GRK7: variants seen among roughly 807,000 people sequenced by gnomAD.
GRK7 encodes rhodopsin kinase GRK7.
A neutral mutation model predicts 34.1 loss-of-function variants in GRK7; 24 were observed. The observed-to-expected ratio is 0.70, with a 90% CI of 0.51 to 0.99. The LOEUF is 0.99. GRK7 is among the 50% of genes least tolerant of loss of function. The pLI, the probability that GRK7 is intolerant of heterozygous loss-of-function variation, is 0.00. For missense variants in GRK7, 644 were observed against 707.3 expected (o/e 0.91, Z 1.02); for synonymous variants, 256 against 279.4 (o/e 0.92, Z 0.84).
At chr3:141,762,716 C>T (rs1315540762), upstream of GRK7, among the ~76,000 whole-genome samples, 2 of 152,090 alleles carry the variant, frequency 1.3e-5, no homozygotes, top group Non-Finnish European at 2.9e-5. Context: ...CCCCCAGCCT[C>T]GCTGCCGCCT....
rs930853073 is a variant in GRK7 at position 141,765,737 on chromosome 3, A to C, written c.-216A>C. On this transcript the variant is annotated splice_region_variant and 5_prime_UTR_variant, in exon 1 of 6. Transcript: ENST00000682958. The stretch of plus-strand genomic sequence containing the variant: ...TGAATGCAACCATAAGAGTGAGTCC[A>C]GGTGAGACCAGCAAAGAGCTGCCCA... Among the ~76,000 whole-genome samples, 26 of 152,328 alleles carry C rather than the reference A, an allele frequency of 1.7e-4. No homozygotes were observed. The highest frequency in any genetic ancestry group is 1.1e-3 in the Admixed American group (17 of 15,290).
At chr3:141,781,954 T>C (rs567557215) in intron 4 of GRK7, among the ~76,000 whole-genome samples, 8 of 152,276 alleles carry the variant, frequency 5.3e-5, no homozygotes, top group African/African-American at 1.9e-4. Flanking sequence ...TTTTGTACAG[T>C]TTTCAGCCTA....
intron 1 of GRK7, among the ~76,000 whole-genome samples, chr3:141,771,037 C>T (rs971198187): frequency 1.4e-5 from 2 of 147,928 alleles, no homozygotes; most frequent in Non-Finnish European, 3.0e-5. Flanking sequence ...GTATGGAGAA[C>T]TGCCATTTGG....
intron 5 of GRK7, among the ~76,000 whole-genome samples, chr3:141,813,030 A>G (rs1163734162): frequency 6.6e-6 from 1 of 152,146 alleles, no homozygotes; most frequent in Non-Finnish European, 1.5e-5. Flanking sequence ...TCCTTCTGCC[A>G]TGTTTAAAAA....
chr3:141,789,402 C>G (rs114930333), intron 4 of GRK7, among the ~76,000 whole-genome samples: 4,210 of 152,248 alleles, frequency 0.028, 75 homozygotes, highest in East Asian at 0.065. Flanking sequence ...TTCCTACCAA[C>G]TGAACCACTC....
intron 5 of GRK7, among the ~76,000 whole-genome samples, chr3:141,809,865 T>C (rs1218095806): frequency 3.3e-5 from 5 of 152,178 alleles, no homozygotes; most frequent in African/African-American, 1.2e-4. Context: ...CCTCAAGCAA[T>C]TGAATTACTT....
Position 141,816,720 on chromosome 3 carries a change from G to T in GRK7, c.1332G>T (p.Lys444Asn), listed in dbSNP as rs778754729. Reference protein sequence around the residue: ...KPEQRLGSREKSDDPRKHHFF... With the variant: ...KPEQRLGSRENSDDPRKHHFF... ...TCATCTCCTTTCTTCACAGAGAAAA[G>T]TCTGATGATCCCAGGAAACATCATT... Residue 444 changes from lysine (K) to asparagine (N), a missense_variant, in exon 6 of 6, where the codon AAG becomes AAT. Transcript: ENST00000682958. 5.3e-6 allele frequency: 8 copies of T among 1,520,266 alleles called. No individual in the cohort carries two copies. The South Asian group carries it at 9.4e-5, about 18-fold the overall frequency. The allele number at this position is 1,520,266 out of a possible 1,614,324, so 94.2% of individuals were successfully genotyped here.
intron 1 of GRK7, among the ~76,000 whole-genome samples, chr3:141,768,486 GC>G (rs1219822529): frequency 6.6e-6 from 1 of 151,914 alleles, no homozygotes; most frequent in African/African-American, 2.4e-5. Context: ...CACCATGTTG[GC>G]CGGGCTGGTC....
At chr3:141,756,332 G>GC in the GRK7 span, among the ~76,000 whole-genome samples, 2 of 33,188 alleles carry the variant, frequency 6.0e-5, no homozygotes, top group African/African-American at 2.6e-4. Context: ...AAAAAGGTGG[G>GC]GGGGTGAAAA....
chr3:141,754,428 CTG>C, the GRK7 span, among the ~76,000 whole-genome samples: 3 of 142,748 alleles, frequency 2.1e-5, no homozygotes, highest in African/African-American at 8.1e-5. Flanking sequence ...CCCCTCACCA[CTG>C]TCTTTTTTTT....
chr3:141,750,518 A>G, the GRK7 span, among the ~76,000 whole-genome samples: 1 of 152,180 alleles, frequency 6.6e-6, no homozygotes, highest in Non-Finnish European at 1.5e-5. Flanking sequence ...TGGAGTTGTT[A>G]TGAAGATTAA....
intron 1 of GRK7, among the ~76,000 whole-genome samples, chr3:141,766,986 A>T (rs1353772957): frequency 1.3e-5 from 2 of 152,238 alleles, no homozygotes; most frequent in African/African-American, 4.8e-5. Flanking sequence ...CTCCTTGTTT[A>T]AGAAGAATAT....
intron 4 of GRK7, among the ~76,000 whole-genome samples, chr3:141,796,216 G>A (rs1014151547): frequency 2.0e-5 from 3 of 152,132 alleles, no homozygotes; most frequent in South Asian, 4.2e-4. Context: ...TTTGCTCCAC[G>A]CACCAAGACA....
rs556654655 is a variant in GRK7, at chr3:141,765,220, C to T, written c.-733C>T. Among the ~76,000 whole-genome samples the T allele has an allele frequency of 6.6e-6, 1 of 152,236 alleles. No homozygotes were observed. The highest frequency in any genetic ancestry group is 1.5e-5 in the Non-Finnish European group (1 of 68,044). On this transcript the variant is annotated 5_prime_UTR_variant, in exon 1 of 6. Transcript: ENST00000682958. The stretch of plus-strand genomic sequence containing the variant: ...ACTGACTTTCTTGCTGTTTCTCAAG[C>T]TCACCAGGATTTGAGCCAGCTGTTC...
chr3:141,779,423 A>AAAAAAAG (rs1553735436), intron 3 of GRK7, among the ~76,000 whole-genome samples: 1 of 150,532 alleles, frequency 6.6e-6, no homozygotes, highest in Non-Finnish European at 1.5e-5. Flanking sequence ...AAAAAAAAAA[A>AAAAAAAG]AAAGAAAGAA....
the GRK7 span, among the ~76,000 whole-genome samples, chr3:141,753,170 G>A: frequency 6.6e-6 from 1 of 152,182 alleles, no homozygotes; most frequent in African/African-American, 2.4e-5. Flanking sequence ...CACTGTCTCA[G>A]TAAAATACCT....
At chr3:141,789,282 C>T (rs770798690) in intron 4 of GRK7, among the ~76,000 whole-genome samples, 8 of 152,154 alleles carry the variant, frequency 5.3e-5, no homozygotes, top group Non-Finnish European at 1.2e-4. Context: ...GGTGTCTGAG[C>T]AGTGTCCCTG....
chr3:141,782,528 G>T (rs1361386779), intron 4 of GRK7, among the ~76,000 whole-genome samples: 2 of 152,172 alleles, frequency 1.3e-5, no homozygotes, highest in Non-Finnish European at 1.5e-5. Flanking sequence ...GGAAGACCTG[G>T]GATAGACGTG....
chr3:141,801,461 C>T (rs924345217), intron 4 of GRK7, among the ~76,000 whole-genome samples: 1 of 150,808 alleles, frequency 6.6e-6, no homozygotes, highest in Non-Finnish European at 1.5e-5. Context: ...GGAAAAAAGA[C>T]AGAGGAGGAG....
Sources: gnomAD v4.1 joint callset for allele counts (sites outside exome capture counted in the v4.1 genomes callset) on GRCh38, gnomAD v4.1.1 for gene constraint, MANE v1.5 for transcripts, NCBI Gene and HGNC (gene_info 2026-07-23, HGNC 2026-07-21) for gene names.